The following YLPM1 variants were observed in gnomAD, a reference collection of about 807,000 sequenced individuals.
YLPM1 encodes the protein YLP motif containing 1, also known as YLP motif-containing protein 1.
Under a neutral mutation model 230.0 loss-of-function variants are expected in YLPM1, and 99 were observed. The ratio of observed to expected loss-of-function variants is 0.43; its 90% confidence interval spans 0.37 to 0.51. The LOEUF is 0.51. YLPM1 is among the 20% of genes least tolerant of loss of function. The pLI is 0.00. For missense variants in YLPM1, 2,592 were observed against 2,707.7 expected, an observed-to-expected ratio of 0.96 and a Z score of 0.95; for synonymous variants, 984 against 942.5, an observed-to-expected ratio of 1.04 and a Z score of -0.81.
At chr14:74,807,782 A>G (rs891183127) in intron 6 of YLPM1, among the ~76,000 whole-genome samples, 3 of 152,256 alleles carry the variant, frequency 2.0e-5, no homozygotes, top group African/African-American at 4.8e-5. Flanking sequence ...ATTGTCAACC[A>G]GATAACTGAA....
intron 16 of YLPM1, among the ~76,000 whole-genome samples, chr14:74,820,421 AT>A (rs956048164): frequency 1.3e-5 from 2 of 150,624 alleles, no homozygotes; most frequent in Non-Finnish European, 3.0e-5. Context: ...CTAATTTTTT[AT>A]TTTTTTTTAG....
chr14:74,816,837 T>C, intron 13 of YLPM1, 94 bp from the exon 14 acceptor site: 1 of 1,448,306 alleles, frequency 6.9e-7, no homozygotes. Flanking sequence ...AAGGAAAGAC[T>C]ACAAAGTCAT....
At chr14:74,788,117 CT>C (rs55982413) in intron 4 of YLPM1, among the ~76,000 whole-genome samples, 103,541 of 148,836 alleles carry the variant, frequency 0.7, 35,970 homozygotes, top group East Asian at 0.78. Context: ...GTCACATACC[CT>C]TTTTTTTTTT....
chr14:74,781,322 C>T lies in YLPM1; in HGVS notation c.1291-12C>T. On this transcript the variant is annotated splice_polypyrimidine_tract_variant and intron_variant, in intron 3 of 20. Transcript: ENST00000325680. ...GAATGGTTTTAAATAGTTTTTATCC[C>T]TTTATTTGTAGACCATGTCTGTAGA... The T allele has an allele frequency of 6.6e-7, 1 of 1,520,722 alleles. No individual in the cohort carries two copies. Among genetic ancestry groups the T allele is most frequent in the Non-Finnish European group, 8.8e-7 (1 of 1,135,686 alleles). 94.2% of individuals were successfully genotyped at this position (1,520,722 alleles called of 1,614,324 possible).
rs1268971709 is a variant in YLPM1, at chr14:74,771,337, G to A, written c.873+6975G>A. Among the ~76,000 whole-genome samples the A allele has an allele frequency of 2.6e-5, 4 of 152,204 alleles. No homozygotes were observed. The East Asian group carries it at 7.7e-4, about 29-fold the overall frequency. ...ACAGAAATAGATGAAGCCTCTCAAG[G>A]AATGTGTGTAGAGTAAGAACTGAGG... On this transcript the variant is annotated intron_variant, in intron 1 of 20. Transcript: ENST00000325680.
intron 3 of YLPM1, among the ~76,000 whole-genome samples, chr14:74,781,029 CAG>C (rs1393457724): frequency 1.1e-4 from 16 of 152,134 alleles, no homozygotes; most frequent in Admixed American, 2.6e-4. Flanking sequence ...TCTATAATAA[CAG>C]ATCATTTTTC....
intron 4 of YLPM1, among the ~76,000 whole-genome samples, chr14:74,795,339 C>G (rs537688668): frequency 6.6e-6 from 1 of 152,148 alleles, no homozygotes; most frequent in Non-Finnish European, 1.5e-5. Context: ...TTTAGAACAA[C>G]AAAGCCTAAA....
chr14:74,834,740 T>A (rs1391025418), intron 19 of YLPM1, among the ~76,000 whole-genome samples: 5 of 152,164 alleles, frequency 3.3e-5, no homozygotes. Flanking sequence ...TCTGTATTGT[T>A]TGTATAAAAT....
At chr14:74,780,957 G>T (rs1169560144) in intron 3 of YLPM1, among the ~76,000 whole-genome samples, 1 of 152,190 alleles carries the variant, frequency 6.6e-6, no homozygotes, top group East Asian at 1.9e-4. Flanking sequence ...TACCGTAAAA[G>T]ATAAAGTGAC....
At chr14:74,814,083 TG>T (rs2091457091) in intron 11 of YLPM1, among the ~76,000 whole-genome samples, 1 of 152,210 alleles carries the variant, frequency 6.6e-6, no homozygotes, top group Admixed American at 6.5e-5. Context: ...ATGATGTTGC[TG>T]GGTGTGGTGG....
Position 74,798,805 on chromosome 14 carries a change from A to C in YLPM1, c.3508A>C (p.Arg1170=), listed in dbSNP as rs1358603838. 15 of 1,613,986 alleles carry C rather than the reference A, an allele frequency of 9.3e-6. No individual in the cohort carries two copies. The highest frequency in any genetic ancestry group is 1.3e-5 in the Non-Finnish European group (15 of 1,179,880). ...SDFGRDRGPF[R]PEPGDGGEKM... ...TTTTGGTCGTGATAGAGGTCCATTC[A>C]GACCAGAACCAGGAGATGGTGGGGA... Residue 1170 remains arginine (R), a synonymous_variant, in exon 5 of 21, where the codon AGA becomes CGA. Transcript: ENST00000325680.
At chr14:74,832,551 C>T (rs1397381334) in intron 19 of YLPM1, among the ~76,000 whole-genome samples, 1 of 152,126 alleles carries the variant, frequency 6.6e-6, no homozygotes, top group African/African-American at 2.4e-5. Flanking sequence ...CTCACTGCAA[C>T]CTCTGCCTCC....
At chr14:74,835,566 A>C in intron 20 of YLPM1, 119 bp downstream of exon 20, 2 of 873,320 alleles carry the variant, frequency 2.3e-6, no homozygotes, top group Non-Finnish European at 3.4e-6. Context: ...ATAGTTCTGA[A>C]AGAGTAAGTA....
In YLPM1 at chr14:74,778,450, C is replaced by T. The variant is rs2091062759; in HGVS notation, c.877C>T (p.Gln293Ter). The part of the protein sequence containing the change: ...PDPSTMTPQE[Q>*]QQYWYRQHLL... The stretch of plus-strand genomic sequence containing the variant: ...TCAAAAATTGTTTCTGTTGTAGGAA[C>T]AGCAGCAGTATTGGTATCGACAGCA... The change falls in exon 2 of 21, where the codon CAG becomes TAG. Residue 293 changes from glutamine to a stop codon, truncating the protein, a stop_gained. Transcript: ENST00000325680. LOFTEE classifies it high-confidence loss of function. 6.3e-7 allele frequency: 1 copy of T among 1,597,036 alleles called. No individual in the cohort carries two copies. The highest frequency in any genetic ancestry group is 8.5e-7 in the Non-Finnish European group (1 of 1,171,694).
intron 17 of YLPM1, 67 bp downstream of exon 17, chr14:74,821,204 C>T: frequency 6.8e-7 from 1 of 1,477,554 alleles, no homozygotes; most frequent in East Asian, 2.6e-5. Flanking sequence ...GGTTTAAATT[C>T]AGATCTGTGG....
chr14:74,765,481 A>G (rs2090902983), intron 1 of YLPM1, among the ~76,000 whole-genome samples: 1 of 152,218 alleles, frequency 6.6e-6, no homozygotes, highest in South Asian at 2.1e-4. Context: ...GGATGCTGAA[A>G]TAAAGTAGTA....
chr14:74,763,531 T>TCCGCCGCCACCGGTC lies in YLPM1; in HGVS notation c.45_59dup (p.Val19_Pro23dup). 6.6e-7 allele frequency: 1 copy of TCCGCCGCCACCGGTC among 1,512,140 alleles called. No homozygotes were observed. 93.7% of individuals were successfully genotyped at this position (1,512,140 alleles called of 1,614,324 possible). A position where few individuals can be genotyped will look rare whatever the true frequency, so the allele number is the denominator to read the frequency against. ...GCCGGTATGGCGGGAGCAGCCACTATCCGCCGCCACCGGTCCCACCGCCGC... is the reference window on the plus strand; with the variant it reads ...GCCGGTATGGCGGGAGCAGCCACTATCCGCCGCCACCGGTCCCGCCGCCACCGGTCCCACCGCCGC... On this transcript the variant is annotated inframe_insertion, in exon 1 of 21. Transcript: ENST00000325680.
rs573288824 is a variant in YLPM1, at chr14:74,783,248, C to G, written c.2282+923C>G. Among the ~76,000 whole-genome samples the G allele has an allele frequency of 8.5e-5, 13 of 152,086 alleles. No individual in the cohort carries two copies. In the South Asian group the frequency reaches 1.0e-3, roughly 12 times the overall value. On this transcript the variant is annotated intron_variant, in intron 4 of 20. Transcript: ENST00000325680. The stretch of plus-strand genomic sequence containing the variant: ...TCTGGCCAGTTTTTAAAAAATACTT[C>G]GTAGAGATGGGGATCTTCCTATGTT...
rs1163785280 is a variant in YLPM1, at chr14:74,816,939, A to G, written c.5694A>G (p.Glu1898=). Residue 1898 remains glutamate, a synonymous_variant, in exon 14 of 21, where the codon GAA becomes GAG. Transcript: ENST00000325680. ...SGKKVKKKVM[E]YEYEAEMEET... is the part of the protein sequence containing the mutation. ...CTTTTGGGGGACCTTAGGTAATGGA[A>G]TATGAATATGAAGCTGAGATGGAGG... 3 of 1,571,872 alleles carry G rather than the reference A, an allele frequency of 1.9e-6. No individual in the cohort carries two copies. Among genetic ancestry groups the G allele is most frequent in the East Asian group, 4.5e-5 (2 of 44,624 alleles).
Sources: allele counts gnomAD v4.1 joint callset (sites outside exome capture counted in the v4.1 genomes callset), GRCh38; gene constraint gnomAD v4.1.1; transcripts MANE v1.5; gene names NCBI Gene and HGNC (gene_info 2026-07-23, HGNC 2026-07-21).